Variants in BLTP2 observed in about 807,000 individuals in gnomAD.
BLTP2 encodes the protein bridge-like lipid transfer protein family member 2.
chr17:28,640,064 TG>T, the BLTP2 span: 1 of 1,605,616 alleles, frequency 6.2e-7, no homozygotes, highest in Non-Finnish European at 8.5e-7. Flanking sequence ...AGATGTGGAA[TG>T]CCATTCCTAC....
the BLTP2 span, among the ~76,000 whole-genome samples, chr17:28,618,541 A>C: frequency 2.0e-5 from 3 of 151,988 alleles, no homozygotes; most frequent in African/African-American, 7.3e-5. Flanking sequence ...AAATTATTTT[A>C]TTTCTTTGTT....
the BLTP2 span, chr17:28,637,868 T>C: frequency 2.5e-6 from 4 of 1,614,030 alleles, no homozygotes; most frequent in African/African-American, 2.7e-5. Context: ...CAAGTTCATG[T>C]CTTCGACCTT....
At chr17:28,635,006 G>C in the BLTP2 span, 71 of 1,613,162 alleles carry the variant, frequency 4.4e-5, no homozygotes, top group Non-Finnish European at 5.6e-5. Flanking sequence ...ACAGGGCTTG[G>C]AGAGGCCCAA....
chr17:28,637,697 A>C, the BLTP2 span: 1 of 692,814 alleles, frequency 1.4e-6, no homozygotes, highest in Non-Finnish European at 2.4e-6. Context: ...TTGGAGACAG[A>C]GTCTCGCTCG....
the BLTP2 span, chr17:28,633,318 C>T: frequency 6.2e-7 from 1 of 1,613,984 alleles, no homozygotes; most frequent in Non-Finnish European, 8.5e-7. Context: ...CCAAGTCACC[C>T]TTGAACACAA....
chr17:28,638,137 C>T, the BLTP2 span: 4 of 1,605,444 alleles, frequency 2.5e-6, no homozygotes, highest in Non-Finnish European at 3.4e-6. Flanking sequence ...TATGCAGGCG[C>T]ACAGTTTTAT....
the BLTP2 span, chr17:28,636,956 G>T: frequency 1.2e-6 from 2 of 1,612,242 alleles, no homozygotes; most frequent in African/African-American, 2.7e-5. Context: ...CTCTCCACAG[G>T]AACATTACCT....
chr17:28,642,475 C>A, the BLTP2 span: 1 of 690,324 alleles, frequency 1.4e-6, no homozygotes, highest in Non-Finnish European at 2.5e-6. Flanking sequence ...CACGGTGAAA[C>A]CTCATCTCTA....
At chr17:28,642,053 G>A in the BLTP2 span, 81 of 1,614,086 alleles carry the variant, frequency 5.0e-5, no homozygotes, top group Non-Finnish European at 6.1e-5. Context: ...CAGGGCCAGT[G>A]AAAGCTCCAC....
the BLTP2 span, chr17:28,639,342 G>A: frequency 6.2e-7 from 1 of 1,614,154 alleles, no homozygotes; most frequent in South Asian, 1.1e-5. Context: ...TAGAACAGGT[G>A]AACTAGACCC....
the BLTP2 span, chr17:28,623,798 T>C: frequency 6.2e-7 from 1 of 1,614,228 alleles, no homozygotes; most frequent in Non-Finnish European, 8.5e-7. Flanking sequence ...TCTGTGGGGC[T>C]GCTTTCAGTG....
the BLTP2 span, chr17:28,617,167 G>C: frequency 7.3e-7 from 1 of 1,375,854 alleles, no homozygotes; most frequent in Non-Finnish European, 1.0e-6. Context: ...TATACTGAAG[G>C]GCCGTTATAA....
the BLTP2 span, among the ~76,000 whole-genome samples, chr17:28,620,255 GAGGTGTCT>G: frequency 6.6e-6 from 1 of 152,224 alleles, no homozygotes; most frequent in Non-Finnish European, 1.5e-5. Flanking sequence ...AATGTTTTTA[GAGGTGTCT>G]AGGTGACTGA....
chr17:28,635,168 G>A, the BLTP2 span: 1 of 1,614,030 alleles, frequency 6.2e-7, no homozygotes, highest in Admixed American at 1.7e-5. Flanking sequence ...TGCAGCGCAG[G>A]GAAGGGGTTC....
At chr17:28,628,257 G>T in the BLTP2 span, 4 of 1,612,496 alleles carry the variant, frequency 2.5e-6, no homozygotes, top group Non-Finnish European at 3.4e-6. Flanking sequence ...TCATCTCCCC[G>T]AGCTTACCTC....
chr17:28,616,762 G>A, the BLTP2 span: 3 of 1,613,544 alleles, frequency 1.9e-6, no homozygotes, highest in East Asian at 4.5e-5. The surrounding 1 kb of genome is among the most constrained non-coding windows in gnomAD (Gnocchi z 4.8). Context: ...ACCTAAAAAG[G>A]AAAAAGATTC....
chr17:28,614,940 GTGATGC>G, the BLTP2 span: 1 of 855,270 alleles, frequency 1.2e-6, no homozygotes, highest in Non-Finnish European at 1.9e-6. Flanking sequence ...GTGCTGAAGA[GTGATGC>G]CTATGGGCTC....
chr17:28,638,184 C>G, the BLTP2 span: 2 of 1,597,822 alleles, frequency 1.3e-6, no homozygotes, highest in Non-Finnish European at 1.7e-6. Flanking sequence ...TTAGGATGCT[C>G]AGCGCTCTGA....
At chr17:28,637,366 A>T in the BLTP2 span, among the ~76,000 whole-genome samples, 1 of 152,340 alleles carries the variant, frequency 6.6e-6, no homozygotes, top group East Asian at 1.9e-4. Flanking sequence ...GTTGTTCCTT[A>T]ACTCCTACAA....
Sources: allele counts gnomAD v4.1 joint callset (sites outside exome capture counted in the v4.1 genomes callset), GRCh38; gene constraint gnomAD v4.1.1; non-coding constraint Gnocchi (gnomAD v3.1); transcripts MANE v1.5; gene names NCBI Gene and HGNC (gene_info 2026-07-23, HGNC 2026-07-21).